CPNE4: variants seen among roughly 807,000 people sequenced by gnomAD.
The protein encoded by CPNE4 is copine 4, also known as copine-4.
Under a neutral mutation model 67.9 loss-of-function variants are expected in CPNE4, and 25 were observed. The ratio of observed to expected loss-of-function variants is 0.37; its 90% CI spans 0.27 to 0.51. The LOEUF (loss-of-function observed/expected upper bound fraction) is 0.51. CPNE4 is among the 20% of genes least tolerant of loss of function. The pLI is 0.93. For synonymous variants in CPNE4, 242 were observed against 244.9 expected (o/e 0.99, Z 0.11); for missense variants, 464 against 690.8 (o/e 0.67, Z 3.68).
intron 9 of CPNE4, 121 bp from the exon 10 acceptor site, chr3:131,575,251 C>CTTTTTTCA: frequency 1.3e-6 from 1 of 775,942 alleles, no homozygotes; most frequent in Non-Finnish European, 2.2e-6. Flanking sequence ...AGACAGACAT[C>CTTTTTTCA]ATTGAAAAAA....
intron 1 of CPNE4, among the ~76,000 whole-genome samples, chr3:131,930,487 G>A (rs887049994): frequency 3.3e-5 from 5 of 152,044 alleles, no homozygotes; most frequent in Admixed American, 3.3e-4. Flanking sequence ...TCATTTATTG[G>A]TGTGGGTATC....
At chr3:131,738,658 T>C (rs1278642384) in intron 2 of CPNE4, among the ~76,000 whole-genome samples, 1 of 152,206 alleles carries the variant, frequency 6.6e-6, no homozygotes, top group East Asian at 1.9e-4. Context: ...TGTTTTTTTC[T>C]GGCTTTGATA....
chr3:131,583,999 G>C (rs1302911082), intron 8 of CPNE4, among the ~76,000 whole-genome samples: 1 of 152,042 alleles, frequency 6.6e-6, no homozygotes, highest in Admixed American at 6.6e-5. Flanking sequence ...TCCTATTCTT[G>C]CAAGTATCCC....
At chr3:131,863,899 G>A (rs1190754841) in intron 2 of CPNE4, among the ~76,000 whole-genome samples, 1 of 152,168 alleles carries the variant, frequency 6.6e-6, no homozygotes, top group East Asian at 1.9e-4. Context: ...GTAAGGAAGG[G>A]ATCCAGTTTC....
At chr3:131,741,682 CCTGA>C (rs1380385951) in intron 2 of CPNE4, among the ~76,000 whole-genome samples, 5 of 152,100 alleles carry the variant, frequency 3.3e-5, no homozygotes, top group South Asian at 2.1e-4. Context: ...GGAAGATTTG[CCTGA>C]CTATGAAAGC....
intron 2 of CPNE4, among the ~76,000 whole-genome samples, chr3:131,857,568 G>A (rs1241523573): frequency 6.6e-6 from 1 of 152,012 alleles, no homozygotes; most frequent in African/African-American, 2.4e-5. Context: ...TCATTTTAGA[G>A]AAAAGATCTG....
intron 2 of CPNE4, among the ~76,000 whole-genome samples, chr3:131,764,376 T>G (rs911809996): frequency 2.0e-5 from 3 of 152,156 alleles, no homozygotes; most frequent in Non-Finnish European, 4.4e-5. Context: ...CATCTTTACC[T>G]GCTTCTGAAA....
intron 7 of CPNE4, among the ~76,000 whole-genome samples, chr3:131,649,508 A>T (rs545543554): frequency 1.3e-5 from 2 of 152,308 alleles, no homozygotes; most frequent in Admixed American, 1.3e-4. Flanking sequence ...CAACAATCAC[A>T]ACAATAACAA....
chr3:131,791,775 T>C (rs1366329977), intron 2 of CPNE4, among the ~76,000 whole-genome samples: 1 of 152,138 alleles, frequency 6.6e-6, no homozygotes, highest in African/African-American at 2.4e-5. Flanking sequence ...TAACAGATCA[T>C]ATAAGATTGG....
chr3:131,910,460 C>T (rs1224096034), intron 1 of CPNE4, among the ~76,000 whole-genome samples: 1 of 152,092 alleles, frequency 6.6e-6, no homozygotes, highest in Non-Finnish European at 1.5e-5. Context: ...GATTCAGATG[C>T]ACTTGATTTC....
chr3:131,641,852 C>T (rs904501396), intron 7 of CPNE4, among the ~76,000 whole-genome samples: 2 of 152,114 alleles, frequency 1.3e-5, no homozygotes, highest in East Asian at 1.9e-4. Flanking sequence ...CATTGGCATT[C>T]GCAGCAACCT....
chr3:131,553,349 T>G (rs1324915691), intron 12 of CPNE4, among the ~76,000 whole-genome samples: 2 of 152,128 alleles, frequency 1.3e-5, no homozygotes, highest in Admixed American at 1.3e-4. Context: ...CCTAGTCCCT[T>G]GCTCTTAGCA....
At position 131,977,022 on chromosome 3, in the gene CPNE4, G is replaced by A. The variant is rs558151756; in HGVS notation, c.-2+57545C>T. 4.6e-5 allele frequency among the ~76,000 whole-genome samples: 7 copies of A among 151,882 alleles called. No homozygotes were observed. The East Asian group carries it at 5.8e-4, about 13-fold the overall frequency. ...TCATCATGTTGGTCAGGCTGGTCTC[G>A]AACTCCTGACCTCGTGATCTGCCCG... On this transcript the variant is annotated intron_variant, in intron 1 of 15. Coordinates refer to ENST00000429747, the MANE Select transcript of CPNE4 (RefSeq NM_130808.3).
At chr3:131,920,619 A>G (rs765149715) in intron 1 of CPNE4, among the ~76,000 whole-genome samples, 2 of 151,944 alleles carry the variant, frequency 1.3e-5, no homozygotes, top group Non-Finnish European at 2.9e-5. Context: ...TAATAAAAAC[A>G]TTTTAAATAC....
intron 2 of CPNE4, among the ~76,000 whole-genome samples, chr3:131,767,503 C>G (rs1049460426): frequency 1.3e-5 from 2 of 152,138 alleles, no homozygotes; most frequent in Admixed American, 6.6e-5. Context: ...GCCCAGTTGG[C>G]TCCCTTCGGC....
chr3:132,025,192 AAT>A (rs2074091886), intron 1 of CPNE4, among the ~76,000 whole-genome samples: 1 of 152,170 alleles, frequency 6.6e-6, no homozygotes. Context: ...AGAGATACCC[AAT>A]ATGTTGTCTA....
chr3:131,714,440 G>T (rs146360871), intron 3 of CPNE4, among the ~76,000 whole-genome samples: 2 of 152,192 alleles, frequency 1.3e-5, no homozygotes, highest in Non-Finnish European at 2.9e-5. Flanking sequence ...TGAAAGCTGT[G>T]TACATTGGCC....
At chr3:131,600,924 A>G (rs1389856746) in intron 7 of CPNE4, among the ~76,000 whole-genome samples, 1 of 152,130 alleles carries the variant, frequency 6.6e-6, no homozygotes, top group Non-Finnish European at 1.5e-5. Context: ...TTTCTTCTAA[A>G]TCAGTTCTCA....
At chr3:131,907,366 T>A (rs1013362996) in intron 1 of CPNE4, among the ~76,000 whole-genome samples, 2 of 152,046 alleles carry the variant, frequency 1.3e-5, no homozygotes, top group African/African-American at 4.8e-5. Flanking sequence ...ATAATTCCTC[T>A]CTCTCTCCTT....
Sources: gnomAD v4.1 joint callset for allele counts (sites outside exome capture counted in the v4.1 genomes callset) on GRCh38, gnomAD v4.1.1 for gene constraint, MANE v1.5 for transcripts, NCBI Gene and HGNC (gene_info 2026-07-23, HGNC 2026-07-21) for gene names.